Variants in BBX observed in about 807,000 individuals in gnomAD.
The protein encoded by BBX is HMG box transcription factor BBX.
BBX carries 30 observed loss-of-function variants against 100.2 expected under a neutral mutation model. That is an observed-to-expected ratio of 0.30 (90% CI 0.22 to 0.41). The LOEUF is 0.41. BBX is among the 10% of genes least tolerant of loss of function. The probability of loss-of-function intolerance (pLI) is 1.00; values close to 1 mark genes in which losing one functional copy is unlikely to be tolerated. For synonymous variants in BBX, 376 were observed against 388.1 expected, an observed-to-expected ratio of 0.97 and a Z score of 0.37; for missense variants, 1,023 against 1,129.8, an observed-to-expected ratio of 0.91 and a Z score of 1.35.
At chr3:107,804,261 T>C (rs895444616) in intron 17 of BBX, among the ~76,000 whole-genome samples, 16 of 152,342 alleles carry the variant, frequency 1.1e-4, no homozygotes, top group Admixed American at 3.3e-4. Context: ...AGTATAGTTA[T>C]AGAGCAGGTA....
chr3:107,688,466 G>A (rs2059973533), intron 3 of BBX, among the ~76,000 whole-genome samples: 2 of 152,212 alleles, frequency 1.3e-5, no homozygotes, highest in South Asian at 2.1e-4. Flanking sequence ...TGGCAGTGTG[G>A]ATAAATTTAG....
chr3:107,742,466 C>A (rs1022706159), intron 7 of BBX, among the ~76,000 whole-genome samples: 2 of 152,230 alleles, frequency 1.3e-5, no homozygotes, highest in South Asian at 4.2e-4. Context: ...TTCCACTATA[C>A]TATACTGAAG....
intron 2 of BBX, among the ~76,000 whole-genome samples, chr3:107,581,399 T>C (rs958451703): frequency 6.6e-6 from 1 of 152,006 alleles, no homozygotes; most frequent in African/African-American, 2.4e-5. Context: ...TTTATGATTC[T>C]TAAACTTGGA....
At position 107,773,477 on chromosome 3, in the gene BBX, C is replaced by T. The variant is rs772349488; in HGVS notation, c.1756C>T (p.Pro586Ser). Residue 586 changes from proline (P) to serine (S), a missense_variant, in exon 11 of 18, where the codon CCC becomes TCC. Physicochemically the swap from Pro to Ser is moderately conservative, Grantham distance 74. Coordinates refer to ENST00000325805, the MANE Select transcript of BBX (RefSeq NM_001142568.3). The surrounding 1 kb of genome is among the most constrained non-coding windows in gnomAD (Gnocchi z 4.1). ...PLTPMEDALPPSLSGQAKPED... is the reference protein window; with the variant it reads ...PLTPMEDALPSSLSGQAKPED... ...GACCCCTATGGAAGATGCACTACCA[C>T]CCAGCCTATCAGGACAGGCCAAGCC... The T allele has an allele frequency of 4.3e-6, 7 of 1,614,090 alleles. No individual in the cohort carries two copies. The East Asian group carries it at 1.3e-4, about 31-fold the overall frequency.
chr3:107,536,518 C>A (rs1297184301), intron 2 of BBX, among the ~76,000 whole-genome samples: 1 of 152,066 alleles, frequency 6.6e-6, no homozygotes, highest in Non-Finnish European at 1.5e-5. Context: ...CGAAGGCGCT[C>A]GTCTTTTGTT....
intron 7 of BBX, among the ~76,000 whole-genome samples, chr3:107,743,568 T>TTGCAGGA (rs2064293114): frequency 6.6e-6 from 1 of 152,216 alleles, no homozygotes; most frequent in South Asian, 2.1e-4. Flanking sequence ...TTTCAAATGT[T>TTGCAGGA]TGCTCCTGCC....
intron 5 of BBX, among the ~76,000 whole-genome samples, chr3:107,721,412 G>A (rs1208751913): frequency 1.3e-5 from 2 of 151,762 alleles, no homozygotes; most frequent in Non-Finnish European, 2.9e-5. Flanking sequence ...CCCTCAGCTA[G>A]CACTTGCCAT....
intron 3 of BBX, among the ~76,000 whole-genome samples, chr3:107,702,223 G>A (rs559485479): frequency 6.6e-6 from 1 of 152,348 alleles, no homozygotes; most frequent in East Asian, 1.9e-4. Context: ...GAGCCAGTGA[G>A]CTGAAGGTAT....
At chr3:107,582,659 G>T (rs1239056521) in intron 2 of BBX, among the ~76,000 whole-genome samples, 1 of 152,034 alleles carries the variant, frequency 6.6e-6, no homozygotes, top group Non-Finnish European at 1.5e-5. Flanking sequence ...TATAAGAAAA[G>T]TAGTACTTCC....
intron 10 of BBX, among the ~76,000 whole-genome samples, chr3:107,763,928 A>G (rs1385075450): frequency 1.3e-5 from 2 of 152,134 alleles, no homozygotes; most frequent in Non-Finnish European, 2.9e-5. Context: ...ATAACTAAGG[A>G]CAGTATGATT....
chr3:107,722,183 A>ACT (rs1164742609), intron 5 of BBX, among the ~76,000 whole-genome samples: 1 of 152,026 alleles, frequency 6.6e-6, no homozygotes, highest in Non-Finnish European at 1.5e-5. Flanking sequence ...CCAATTGTTA[A>ACT]GTAAACACTT....
chr3:107,791,998 T>G (rs1185965113), intron 15 of BBX, among the ~76,000 whole-genome samples: 1 of 152,092 alleles, frequency 6.6e-6, no homozygotes. Flanking sequence ...CAAAAAAGAA[T>G]AGAACACCCT....
intron 1 of BBX, 133 bp downstream of exon 1, chr3:107,523,240 GC>G (rs2047489721): frequency 4.4e-6 from 1 of 225,774 alleles, no homozygotes; most frequent in African/African-American, 2.4e-5. Context: ...GGCGGCGGCG[GC>G]GGCGGCAGCC....
intron 7 of BBX, among the ~76,000 whole-genome samples, chr3:107,733,565 C>T (rs2063452442): frequency 6.6e-6 from 1 of 152,150 alleles, no homozygotes; most frequent in Non-Finnish European, 1.5e-5. Flanking sequence ...TGATCACAAC[C>T]TCCCAGGCTC....
intron 2 of BBX, among the ~76,000 whole-genome samples, chr3:107,604,741 C>A (rs2054304269): frequency 8.0e-6 from 1 of 125,214 alleles, no homozygotes; most frequent in Admixed American, 8.7e-5. Flanking sequence ...CATGGCTTTC[C>A]CACCCCCGCC....
intron 4 of BBX, among the ~76,000 whole-genome samples, chr3:107,713,568 CTT>C (rs1358605233): frequency 2.0e-5 from 3 of 152,086 alleles, no homozygotes; most frequent in Non-Finnish European, 4.4e-5. Flanking sequence ...TATGTATTTA[CTT>C]TTTGATTAAT....
chr3:107,534,710 A>G (rs147850881), intron 2 of BBX, among the ~76,000 whole-genome samples: 2 of 152,342 alleles, frequency 1.3e-5, no homozygotes, highest in Admixed American at 6.5e-5. Context: ...TGAGACTTAT[A>G]CACATCCCTA....
At chr3:107,636,133 T>C (rs1473249032) in intron 2 of BBX, among the ~76,000 whole-genome samples, 4 of 152,180 alleles carry the variant, frequency 2.6e-5, no homozygotes, top group African/African-American at 9.7e-5. Context: ...GATTCAGGTT[T>C]CGTACCCATT....
At chr3:107,571,792 G>A (rs527670829) in intron 2 of BBX, among the ~76,000 whole-genome samples, 3 of 152,314 alleles carry the variant, frequency 2.0e-5, no homozygotes, top group East Asian at 1.9e-4. Flanking sequence ...GGGTGCAGGC[G>A]GGCTGAGTCC....
Sources: gnomAD v4.1 joint callset for allele counts (sites outside exome capture counted in the v4.1 genomes callset) on GRCh38, gnomAD v4.1.1 for gene constraint, Gnocchi (gnomAD v3.1) non-coding constraint, MANE v1.5 for transcripts, NCBI Gene and HGNC (gene_info 2026-07-23, HGNC 2026-07-21) for gene names.